MAPK10: variants seen among roughly 807,000 people sequenced by gnomAD.
MAPK10 encodes JNK3 alpha protein kinase.
In MAPK10, 25 loss-of-function variants were observed where a neutral mutation model predicts 59.3. That is an observed-to-expected ratio of 0.42 (90% CI 0.31 to 0.59). The LOEUF (loss-of-function observed/expected upper bound fraction) is 0.59, where lower values mean the gene tolerates loss of function less well. Ranked by LOEUF, MAPK10 falls within the 20% of genes least tolerant of loss-of-function variation. The pLI, the probability that MAPK10 is intolerant of heterozygous loss-of-function variation, is 0.15. For missense variants in MAPK10, 351 were observed against 568.9 expected (o/e 0.62, Z 3.90); for synonymous variants, 190 against 200.5 (o/e 0.95, Z 0.44).
At chr4:86,095,815 A>AT (rs962165478) in intron 9 of MAPK10, 3 of 151,884 alleles carry the variant, frequency 2.0e-5, no homozygotes, top group African/African-American at 7.2e-5. Flanking sequence ...CTATAGGTTT[A>AT]TTTTTTAAAT....
intron 1 of MAPK10, among the ~76,000 whole-genome samples, chr4:86,515,683 ATTTG>A (rs1222019088): frequency 2.0e-5 from 3 of 151,374 alleles, no homozygotes; most frequent in Non-Finnish European, 4.4e-5. Context: ...TGATGGGATT[ATTTG>A]TTTTTTTTCT....
At chr4:86,103,595 G>C (rs2055968344) in intron 5 of MAPK10, among the ~76,000 whole-genome samples, 1 of 152,062 alleles carries the variant, frequency 6.6e-6, no homozygotes, top group South Asian at 2.1e-4. Flanking sequence ...GAGGAGAGAG[G>C]TGGCAGTAAA....
intron 2 of MAPK10, among the ~76,000 whole-genome samples, chr4:86,208,687 G>A (rs1462445673): frequency 6.6e-6 from 1 of 151,776 alleles, no homozygotes; most frequent in Non-Finnish European, 1.5e-5. Context: ...CACAAGACAG[G>A]GATGCCCTCT....
intron 4 of MAPK10, among the ~76,000 whole-genome samples, chr4:86,111,180 A>G (rs1380216083): frequency 6.6e-6 from 1 of 152,172 alleles, no homozygotes; most frequent in Admixed American, 6.6e-5. Context: ...AACAAAGACA[A>G]TTTGATTTCC....
chr4:86,098,399 T>C, intron 9 of MAPK10, 125 bp downstream of exon 9: 3 of 1,407,200 alleles, frequency 2.1e-6, no homozygotes, highest in Non-Finnish European at 2.9e-6. Context: ...TATCACTTTT[T>C]TATTACAATA....
intron 4 of MAPK10, among the ~76,000 whole-genome samples, chr4:86,133,730 T>C (rs1372600736): frequency 6.6e-6 from 1 of 152,240 alleles, no homozygotes; most frequent in Non-Finnish European, 1.5e-5. Context: ...ATCTTGCTGG[T>C]GGCTCCAACT....
intron 1 of MAPK10, among the ~76,000 whole-genome samples, chr4:86,563,316 A>G (rs1760818195): frequency 6.6e-6 from 1 of 152,198 alleles, no homozygotes; most frequent in African/African-American, 2.4e-5. Context: ...CCAACATAAC[A>G]ATTCATTTAC....
intron 1 of MAPK10, among the ~76,000 whole-genome samples, chr4:86,384,872 AT>A (rs1267503789): frequency 3.3e-5 from 5 of 152,202 alleles, no homozygotes; most frequent in African/African-American, 1.2e-4. Flanking sequence ...AACAACTTTC[AT>A]CTAAACTAGA....
At position 86,422,192 on chromosome 4, in the gene MAPK10, G is replaced by A. The variant is rs375758514; in HGVS notation, c.-122+30838C>T. On this transcript the variant is annotated intron_variant, in intron 1 of 13. Coordinates refer to the MAPK10 transcript ENST00000361569. ...TGACATTAGAATGTCAGCACTTAAG[G>A]GCAAGGCCTCACCTGTCAAGTTTAC... Among the ~76,000 whole-genome samples, 30 of 152,100 alleles carry A rather than the reference G, an allele frequency of 2.0e-4. 1 individual carries two copies. Among genetic ancestry groups the A allele is most frequent in the East Asian group, 9.7e-4 (5 of 5,176 alleles).
At chr4:86,161,486 G>T (rs1276878841) in intron 3 of MAPK10, among the ~76,000 whole-genome samples, 2 of 152,050 alleles carry the variant, frequency 1.3e-5, no homozygotes, top group Non-Finnish European at 2.9e-5. Flanking sequence ...TGGCATATGA[G>T]TAGAACAGCC....
At chr4:86,343,905 T>C (rs540739062) in intron 2 of MAPK10, among the ~76,000 whole-genome samples, 4 of 152,308 alleles carry the variant, frequency 2.6e-5, no homozygotes, top group Non-Finnish European at 5.9e-5. Flanking sequence ...CTATTTATGT[T>C]AACATGTAAT....
At chr4:86,380,859 T>TAA (rs35581530) in intron 1 of MAPK10, among the ~76,000 whole-genome samples, 30,523 of 137,034 alleles carry the variant, frequency 0.22, 3,781 homozygotes, top group South Asian at 0.4. Context: ...TGGAAAGCAT[T>TAA]AAAAAAAAAA....
At chr4:86,129,858 C>G (rs1444685045) in intron 4 of MAPK10, among the ~76,000 whole-genome samples, 1 of 152,150 alleles carries the variant, frequency 6.6e-6, no homozygotes, top group Non-Finnish European at 1.5e-5. Context: ...TATCTATGCA[C>G]TCTTTTGTGA....
chr4:86,560,622 T>C (rs1186104340), intron 1 of MAPK10, among the ~76,000 whole-genome samples: 1 of 152,234 alleles, frequency 6.6e-6, no homozygotes, highest in Admixed American at 6.5e-5. Context: ...CTTATCTCTC[T>C]AACAGCTAAT....
intron 1 of MAPK10, among the ~76,000 whole-genome samples, chr4:86,392,943 T>C (rs1252986136): frequency 2.0e-5 from 3 of 152,224 alleles, no homozygotes; most frequent in Non-Finnish European, 4.4e-5. Context: ...GCATATAGTT[T>C]TCCTTACAGA....
chr4:86,057,187 C>G (rs1466880923), intron 11 of MAPK10, among the ~76,000 whole-genome samples: 1 of 149,454 alleles, frequency 6.7e-6, no homozygotes, highest in Non-Finnish European at 1.5e-5. Flanking sequence ...AAGTGATCCA[C>G]CCGCCTTGGC....
chr4:86,475,693 T>C (rs1286314822), intron 1 of MAPK10, among the ~76,000 whole-genome samples: 1 of 152,114 alleles, frequency 6.6e-6, no homozygotes, highest in Non-Finnish European at 1.5e-5. Flanking sequence ...AGTACTGCTT[T>C]TCTGGGGGGC....
At chr4:86,127,499 A>C (rs1412572348) in intron 4 of MAPK10, 1 of 151,988 alleles carries the variant, frequency 6.6e-6, no homozygotes, top group Non-Finnish European at 1.5e-5. Flanking sequence ...ATATACATGG[A>C]ATTAAATATG....
chr4:86,452,057 C>A (rs1232159808), intron 1 of MAPK10, among the ~76,000 whole-genome samples: 1 of 152,112 alleles, frequency 6.6e-6, no homozygotes, highest in Admixed American at 6.5e-5. Flanking sequence ...AAACGAGATG[C>A]CCAAGATCCT....
Sources: allele counts gnomAD v4.1 joint callset (sites outside exome capture counted in the v4.1 genomes callset), GRCh38; gene constraint gnomAD v4.1.1; transcripts MANE v1.5; gene names NCBI Gene and HGNC (gene_info 2026-07-23, HGNC 2026-07-21).